PDE4D: variants seen among roughly 807,000 people sequenced by gnomAD.
The protein encoded by PDE4D is 3',5'-cyclic-AMP phosphodiesterase 4D.
PDE4D carries 24 observed loss-of-function variants against 87.4 expected under a neutral mutation model. That is an observed-to-expected ratio of 0.27 (90% CI 0.20 to 0.39). The LOEUF (loss-of-function observed/expected upper bound fraction) is 0.39, where lower values mean the gene tolerates loss of function less well. Ranked by LOEUF, PDE4D falls within the 10% of genes least tolerant of loss-of-function variation. PDE4D has a pLI of 1.00. For synonymous variants in PDE4D, 384 were observed against 383.2 expected, an observed-to-expected ratio of 1.00 and a Z score of -0.02; for missense variants, 714 against 1,041.0, an observed-to-expected ratio of 0.69 and a Z score of 4.32.
intron 1 of PDE4D, among the ~76,000 whole-genome samples, chr5:59,727,334 G>A (rs1036144454): frequency 1.3e-5 from 2 of 152,110 alleles, no homozygotes; most frequent in South Asian, 2.1e-4. Context: ...TTCAGCATAT[G>A]TTGATTTCTT....
chr5:60,062,345 A>C (rs1336636207), intron 2 of PDE4D, among the ~76,000 whole-genome samples: 1 of 152,210 alleles, frequency 6.6e-6, no homozygotes, highest in Admixed American at 6.5e-5. Flanking sequence ...AGAAATGCAA[A>C]TCAAAACCAC....
intron 1 of PDE4D, among the ~76,000 whole-genome samples, chr5:59,318,766 G>A (rs886098527): frequency 6.6e-6 from 1 of 152,052 alleles, no homozygotes; most frequent in Non-Finnish European, 1.5e-5. Context: ...GATGCATGCT[G>A]TTTTTGTAAT....
At chr5:59,235,280 C>G (rs1241678366) in intron 1 of PDE4D, among the ~76,000 whole-genome samples, 1 of 152,160 alleles carries the variant, frequency 6.6e-6, no homozygotes, top group Admixed American at 6.6e-5. Flanking sequence ...GATAACCTGT[C>G]CTGGGTGAGA....
chr5:60,337,351 C>CAAAATATATATATATA lies in PDE4D; in HGVS notation c.-90+150590_-90+150591insTATATATATATATTTT, dbSNP rs1491477498. Among the ~76,000 whole-genome samples the CAAAATATATATATATA allele has an allele frequency of 9.3e-4, 58 of 62,252 alleles. 2 individuals are homozygous for CAAAATATATATATATA. Among genetic ancestry groups the CAAAATATATATATATA allele is most frequent in the Middle Eastern group, 9.4e-3 (1 of 106 alleles). The allele number at this position is 62,252 out of a possible 152,430, so 40.8% of individuals were successfully genotyped here. On this transcript the variant is annotated intron_variant, in intron 1 of 16. Transcript: ENST00000502484. ...TTGTCTCAAAAAACAAACAAACAAA[C>CAAAATATATATATATA]TATATATATATATATATATATATAT... is the stretch of plus-strand genomic sequence containing the variant.
intron 2 of PDE4D, among the ~76,000 whole-genome samples, chr5:60,161,868 T>C (rs937948110): frequency 6.6e-6 from 1 of 152,156 alleles, no homozygotes; most frequent in Non-Finnish European, 1.5e-5. Context: ...ATCCCTATTT[T>C]ACAAAGGAGA....
chr5:59,604,260 C>A (rs1422640542), intron 1 of PDE4D, among the ~76,000 whole-genome samples: 1 of 151,920 alleles, frequency 6.6e-6, no homozygotes, highest in Non-Finnish European at 1.5e-5. Context: ...GTCTGGAAAA[C>A]AATGATACAT....
chr5:59,467,104 A>G (rs1433206662), intron 1 of PDE4D, among the ~76,000 whole-genome samples: 1 of 152,144 alleles, frequency 6.6e-6, no homozygotes, highest in African/African-American at 2.4e-5. Flanking sequence ...AGCCATCTAC[A>G]AGCTGAGGAG....
chr5:59,509,895 T>G (rs1344817311), intron 1 of PDE4D, among the ~76,000 whole-genome samples: 1 of 142,406 alleles, frequency 7.0e-6, no homozygotes, highest in African/African-American at 2.7e-5. Context: ...ATTATAAACT[T>G]TATAAATTAT....
At chr5:60,314,386 C>G (rs563958162) in intron 1 of PDE4D, among the ~76,000 whole-genome samples, 5 of 151,920 alleles carry the variant, frequency 3.3e-5, no homozygotes, top group African/African-American at 1.2e-4. Flanking sequence ...AGGCTGGTCT[C>G]GAACTCCTGA....
intron 5 of PDE4D, among the ~76,000 whole-genome samples, chr5:59,159,740 A>T (rs920661294): frequency 5.9e-5 from 9 of 152,164 alleles, no homozygotes; most frequent in Non-Finnish European, 1.2e-4. Flanking sequence ...CTCAACCTTC[A>T]CTTTTATTTT....
chr5:60,232,257 G>T (rs1302446836), intron 1 of PDE4D, among the ~76,000 whole-genome samples: 1 of 151,936 alleles, frequency 6.6e-6, no homozygotes, highest in Non-Finnish European at 1.5e-5. Context: ...AACAGCAGCA[G>T]ATATTAAGCA....
intron 2 of PDE4D, among the ~76,000 whole-genome samples, chr5:59,197,019 T>C (rs946825923): frequency 6.6e-6 from 1 of 152,160 alleles, no homozygotes; most frequent in African/African-American, 2.4e-5. Flanking sequence ...TGTCCCAAGC[T>C]ATAGTCTCTT....
intron 2 of PDE4D, among the ~76,000 whole-genome samples, chr5:60,106,165 C>A (rs1483729894): frequency 6.6e-6 from 1 of 151,772 alleles, no homozygotes; most frequent in Middle Eastern, 3.4e-3. Context: ...GGAGGAAGAT[C>A]TACCAAGCAA....
chr5:59,423,489 C>A (rs760521031), intron 1 of PDE4D, among the ~76,000 whole-genome samples: 6 of 152,052 alleles, frequency 3.9e-5, no homozygotes, highest in Non-Finnish European at 7.4e-5. Context: ...TTCCATCATG[C>A]CACTCTTAGG....
chr5:59,976,962 A>T (rs908326162), intron 3 of PDE4D, among the ~76,000 whole-genome samples: 8 of 152,100 alleles, frequency 5.3e-5, no homozygotes, highest in African/African-American at 1.9e-4. Flanking sequence ...ATGTATTCTC[A>T]CTGCTTCACT....
chr5:58,990,899 G>T lies in PDE4D; in HGVS notation c.1192C>A (p.Leu398Ile). The T allele has an allele frequency of 2.7e-6, 4 of 1,503,526 alleles. No homozygotes were observed. Among genetic ancestry groups the T allele is most frequent in the Non-Finnish European group, 2.7e-6 (3 of 1,101,436 alleles). The allele number at this position is 1,503,526 out of a possible 1,614,324, so 93.1% of individuals were successfully genotyped here. A position where few individuals can be genotyped will look rare whatever the true frequency, so the allele number is the denominator to read the frequency against. ...TEQEDVLAKE[L>I]EDVNKWGLHV... ...AGACCCCATTTGTTCACATCTTCTA[G>T]TTCCTGGAGTGAAAAAAAAAAAAAG... The change falls in exon 9 of 15, where the codon CTA (leucine) becomes ATA (isoleucine). Residue 398 changes from leucine to isoleucine, a missense_variant. Physicochemically the swap from Leu to Ile is conservative, Grantham distance 5 (BLOSUM62 2). Transcript: ENST00000340635.
chr5:60,287,479 T>C (rs1752523922), intron 1 of PDE4D, among the ~76,000 whole-genome samples: 1 of 152,214 alleles, frequency 6.6e-6, no homozygotes, highest in South Asian at 2.1e-4. Context: ...AAAATTCTTA[T>C]TTACCCTGTG....
chr5:60,003,243 T>C (rs1484770713), intron 2 of PDE4D, among the ~76,000 whole-genome samples: 2 of 152,096 alleles, frequency 1.3e-5, no homozygotes, highest in Admixed American at 6.5e-5. Flanking sequence ...AAAATGAAAA[T>C]ATATCCCATA....
intron 3 of PDE4D, among the ~76,000 whole-genome samples, chr5:59,941,075 G>C (rs1561888212): frequency 1.3e-5 from 2 of 152,166 alleles, no homozygotes; most frequent in Admixed American, 6.5e-5. Context: ...CCCAGGGCTT[G>C]CTATTATTCT....
Sources: gnomAD v4.1 joint callset for allele counts (sites outside exome capture counted in the v4.1 genomes callset) on GRCh38, gnomAD v4.1.1 for gene constraint, MANE v1.5 for transcripts, NCBI Gene and HGNC (gene_info 2026-07-23, HGNC 2026-07-21) for gene names.